C11orf65: variants seen among roughly 807,000 people sequenced by gnomAD.
C11orf65 encodes the protein protein MFI.
A neutral mutation model predicts 35.3 loss-of-function variants in C11orf65; 38 were observed. The ratio of observed to expected loss-of-function variants is 1.08; its 90% confidence interval spans 0.83 to 1.41. The LOEUF (loss-of-function observed/expected upper bound fraction) is 1.41. C11orf65 is among the 40% of genes most tolerant of loss of function. The pLI is 0.00. For synonymous variants in C11orf65, 105 were observed against 114.4 expected, an observed-to-expected ratio of 0.92 and a Z score of 0.53; for missense variants, 370 against 367.1, an observed-to-expected ratio of 1.01 and a Z score of -0.06.
intron 6 of C11orf65, among the ~76,000 whole-genome samples, chr11:108,398,745 C>T (rs887970182): frequency 6.6e-6 from 1 of 152,172 alleles, no homozygotes; most frequent in Non-Finnish European, 1.5e-5. Flanking sequence ...AGCCTGTAAC[C>T]ACACTTCCTT....
chr11:108,461,556 G>A lies in C11orf65; in HGVS notation c.4C>T (p.Pro2Ser), dbSNP rs780928048. 114 of 1,597,472 alleles carry A rather than the reference G, an allele frequency of 7.1e-5. No homozygotes were observed. The highest frequency in any genetic ancestry group is 9.2e-5 in the Non-Finnish European group (108 of 1,170,800). The change falls in exon 2 of 9, where the codon CCT becomes TCT. Residue 2 changes from proline to serine, a missense_variant. Pro to Ser is a moderately conservative substitution (Grantham distance 74). Transcript: ENST00000393084. M[P>S]WKEESEFTKQ... ...GTAAATTCTGATTCCTCTTTCCAAG[G>A]CATTTGAAATTCCTAAAAGAAAATG...
At chr11:108,327,522 C>CT (rs553744385), downstream of C11orf65, 271 of 735,472 alleles carry the variant, frequency 3.7e-4, no homozygotes, top group Non-Finnish European at 4.9e-4. Context: ...TGAGGAAAAA[C>CT]TTTTTTTTTC....
chr11:108,315,367 G>A (rs2084532206), intron 6 of C11orf65, among the ~76,000 whole-genome samples: 2 of 152,156 alleles, frequency 1.3e-5, no homozygotes, highest in South Asian at 4.1e-4. Context: ...CAGTGTGTGT[G>A]TGTAAGTTTT....
In C11orf65 at chr11:108,446,890, C is replaced by G. The variant is rs985963705; in HGVS notation, c.81+14589G>C. Among the ~76,000 whole-genome samples the G allele has an allele frequency of 1.4e-3, 218 of 152,208 alleles. 1 individual carries two copies. The highest frequency in any genetic ancestry group is 5.0e-3 in the African/African-American group (206 of 41,532). ...AGTGTGCTGTATTCAGGAAACCCAT[C>G]TCATGTGCAGAGACACACATAGGCT... On this transcript the variant is annotated intron_variant, in intron 2 of 8. Transcript: ENST00000393084.
At chr11:108,457,620 G>C (rs2093423895) in intron 2 of C11orf65, among the ~76,000 whole-genome samples, 1 of 152,104 alleles carries the variant, frequency 6.6e-6, no homozygotes, top group African/African-American at 2.4e-5. Flanking sequence ...TCCAGCCTGG[G>C]CAACAGAGCA....
intron 2 of C11orf65, among the ~76,000 whole-genome samples, chr11:108,450,604 T>C (rs1049167846): frequency 1.8e-5 from 2 of 111,122 alleles, no homozygotes; most frequent in African/African-American, 7.3e-5. Flanking sequence ...AAGGGGAACA[T>C]CACACTCCAG....
chr11:108,465,998 C>A (rs112981215), intron 1 of C11orf65, among the ~76,000 whole-genome samples: 15 of 92,530 alleles, frequency 1.6e-4, no homozygotes, highest in East Asian at 2.2e-4. Context: ...AAAAAAAAAA[C>A]AACAACAACA....
At position 108,316,111 on chromosome 11, in the gene C11orf65, C is replaced by A. The variant is rs1361215494; in HGVS notation, c.641-7040G>T. ...ATCAACACGCCAGGCAGGAATCATT[C>A]AGGTACATTTTTTCCCAGATTTGGT... On this transcript the variant is annotated intron_variant, in intron 6 of 6. Transcript: ENST00000525729. 6.2e-7 allele frequency: 1 copy of A among 1,613,586 alleles called. No individual in the cohort carries two copies. The highest frequency in any genetic ancestry group is 1.7e-5 in the Admixed American group (1 of 59,986).
intron 2 of C11orf65, among the ~76,000 whole-genome samples, chr11:108,446,756 T>C (rs887922295): frequency 5.3e-5 from 8 of 152,242 alleles, no homozygotes; most frequent in Non-Finnish European, 1.0e-4. Flanking sequence ...AACATCATAA[T>C]GACAGGACCA....
At chr11:108,444,318 ATAAT>A (rs1445929158) in intron 2 of C11orf65, among the ~76,000 whole-genome samples, 1 of 152,140 alleles carries the variant, frequency 6.6e-6, no homozygotes, top group Admixed American at 6.5e-5. Context: ...AATTGAGGCA[ATAAT>A]TAATAGCCTA....
At chr11:108,413,261 A>G (rs187654849) in intron 3 of C11orf65, among the ~76,000 whole-genome samples, 1 of 152,348 alleles carries the variant, frequency 6.6e-6, no homozygotes, top group African/African-American at 2.4e-5. Flanking sequence ...AGAGTGGTCA[A>G]GTCAGGGCTT....
intron 1 of C11orf65, among the ~76,000 whole-genome samples, chr11:108,463,397 A>G (rs1336446990): frequency 6.6e-6 from 1 of 152,196 alleles, no homozygotes; most frequent in African/African-American, 2.4e-5. Context: ...CTAATTTGGT[A>G]AATTGTTGTT....
In C11orf65 at chr11:108,393,240, C is replaced by T; in HGVS notation, c.699G>A (p.Val233=). The change falls in exon 7 of 9, where the codon GTG becomes GTA. Residue 233 remains valine, a synonymous_variant. Transcript: ENST00000393084. ...DSVMEWEVDE[V]LNWTNTLNFD... is the part of the protein sequence containing the mutation. ...AGTTCAGTGTATTTGTCCAGTTCAGCACTTCATCCACTTCCCATTCCATCA... is the reference window on the plus strand; with the variant it reads ...AGTTCAGTGTATTTGTCCAGTTCAGTACTTCATCCACTTCCCATTCCATCA... 1.2e-6 allele frequency: 2 copies of T among 1,614,042 alleles called. No individual in the cohort carries two copies. The highest frequency in any genetic ancestry group is 2.2e-5 in the East Asian group (1 of 44,852).
intron 6 of C11orf65, among the ~76,000 whole-genome samples, chr11:108,396,055 T>TA (rs1473678235): frequency 6.6e-6 from 1 of 152,164 alleles, no homozygotes; most frequent in African/African-American, 2.4e-5. Context: ...AGTGAGAAGA[T>TA]ACATCCTTGC....
chr11:108,378,093 G>A (rs2091775546), downstream of C11orf65, among the ~76,000 whole-genome samples: 1 of 151,960 alleles, frequency 6.6e-6, no homozygotes, highest in Non-Finnish European at 1.5e-5. Flanking sequence ...TCCTCATCAA[G>A]CTACCAATGA....
chr11:108,328,879 C>G (rs1045856962), downstream of C11orf65: 18 of 935,740 alleles, frequency 1.9e-5, no homozygotes, highest in East Asian at 1.6e-4. Context: ...GTGGGTTGGA[C>G]AAGTTTGCAA....
At chr11:108,455,545 C>T (rs1003236526) in intron 2 of C11orf65, among the ~76,000 whole-genome samples, 5 of 152,158 alleles carry the variant, frequency 3.3e-5, no homozygotes, top group African/African-American at 1.2e-4. Context: ...AGGCCAGGCA[C>T]AGTGGCTCAT....
chr11:108,353,676 G>T lies in C11orf65; in HGVS notation c.227-18384C>A. 2.9e-6 allele frequency: 3 copies of T among 1,052,560 alleles called. No homozygotes were observed. In the South Asian group the frequency reaches 3.8e-5, roughly 13 times the overall value. The allele number at this position is 1,052,560 out of a possible 1,614,324, so 65.2% of individuals were successfully genotyped here. A position where few individuals can be genotyped will look rare whatever the true frequency, so the allele number is the denominator to read the frequency against. On this transcript the variant is annotated intron_variant, in intron 2 of 3. Transcript: ENST00000524755. ...GTTCATAGAACGTAGGTAACATGTG[G>T]TTTCTTGCCTTTGTAAAGTTCACAT...
At chr11:108,429,902 G>A (rs2135408086) in intron 3 of C11orf65, among the ~76,000 whole-genome samples, 1 of 152,270 alleles carries the variant, frequency 6.6e-6, no homozygotes, top group African/African-American at 2.4e-5. Context: ...AAAAAGGCAA[G>A]TACTGTATAA....
Sources: allele counts gnomAD v4.1 joint callset (sites outside exome capture counted in the v4.1 genomes callset), GRCh38; gene constraint gnomAD v4.1.1; transcripts MANE v1.5; gene names NCBI Gene and HGNC (gene_info 2026-07-23, HGNC 2026-07-21).